ASCC3: variants seen among roughly 807,000 people sequenced by gnomAD.
ASCC3 encodes the protein ASC-1 complex subunit P200.
ASCC3 carries 158 observed loss-of-function variants against 256.3 expected under a neutral mutation model. That is an observed-to-expected ratio of 0.62 (90% CI 0.54 to 0.70). The LOEUF is 0.70. Ranked by LOEUF, ASCC3 falls within the 30% of genes least tolerant of loss-of-function variation. ASCC3 has a pLI of 0.00. For synonymous variants in ASCC3, 948 were observed against 883.4 expected, an observed-to-expected ratio of 1.07 and a Z score of -1.30; for missense variants, 2,259 against 2,626.0, an observed-to-expected ratio of 0.86 and a Z score of 3.05.
At chr6:100,630,693 G>A (rs1396502984) in intron 26 of ASCC3, among the ~76,000 whole-genome samples, 6 of 151,248 alleles carry the variant, frequency 4.0e-5, no homozygotes, top group African/African-American at 1.5e-4. Context: ...AATTATTAAT[G>A]AAAAAAACCC....
intron 8 of ASCC3, among the ~76,000 whole-genome samples, chr6:100,776,490 C>T (rs147642391): frequency 0.014 from 2,100 of 152,092 alleles, 21 homozygotes; most frequent in East Asian, 0.047. Flanking sequence ...TACATACATA[C>T]GCCAGACTAC....
At chr6:100,858,483 C>T in intron 3 of ASCC3, 1 of 709,226 alleles carries the variant, frequency 1.4e-6, no homozygotes, top group Non-Finnish European at 1.7e-6. Context: ...TTAACAAAAT[C>T]CCCTTCTATT....
chr6:100,854,304 G>T (rs560426247), intron 3 of ASCC3, among the ~76,000 whole-genome samples: 1 of 152,110 alleles, frequency 6.6e-6, no homozygotes, highest in Admixed American at 6.5e-5. Context: ...TTTTAAAATT[G>T]CCTAAGTAAT....
chr6:100,785,533 C>G (rs1466455073), intron 8 of ASCC3, among the ~76,000 whole-genome samples: 1 of 152,042 alleles, frequency 6.6e-6, no homozygotes, highest in Non-Finnish European at 1.5e-5. Context: ...TCCAGAGTAC[C>G]TAGGACTACA....
intron 10 of ASCC3, among the ~76,000 whole-genome samples, chr6:100,743,497 T>C (rs1001413406): frequency 6.6e-6 from 1 of 152,180 alleles, no homozygotes; most frequent in South Asian, 2.1e-4. Flanking sequence ...GACTCTCCTA[T>C]CAAAACAGGC....
chr6:100,840,408 G>A (rs1262547233), intron 4 of ASCC3, among the ~76,000 whole-genome samples: 2 of 150,420 alleles, frequency 1.3e-5, no homozygotes, highest in African/African-American at 4.9e-5. Context: ...ACTCACTAAA[G>A]CCTCAACCTC....
chr6:100,864,569 G>A (rs1242922878), intron 2 of ASCC3, among the ~76,000 whole-genome samples: 1 of 152,036 alleles, frequency 6.6e-6, no homozygotes, highest in East Asian at 1.9e-4. Flanking sequence ...CTAACTGCTT[G>A]TTTTTAATAT....
intron 10 of ASCC3, among the ~76,000 whole-genome samples, chr6:100,747,347 C>G (rs1232015558): frequency 1.3e-5 from 2 of 151,842 alleles, no homozygotes; most frequent in Non-Finnish European, 2.9e-5. Flanking sequence ...GGTAGTTTCT[C>G]AAAAAAACAT....
intron 4 of ASCC3, among the ~76,000 whole-genome samples, chr6:100,815,043 ATCTT>A (rs753352537): frequency 3.3e-5 from 5 of 151,930 alleles, no homozygotes; most frequent in Non-Finnish European, 7.4e-5. Context: ...TTAAATTGAG[ATCTT>A]TCTAACTTTT....
At chr6:100,856,924 G>A (rs933568750) in intron 3 of ASCC3, 1 of 152,100 alleles carries the variant, frequency 6.6e-6, no homozygotes, top group Non-Finnish European at 1.5e-5. Context: ...ATACATGTAT[G>A]TACAAGCATT....
chr6:100,632,460 GAAAA>G (rs371495245), intron 25 of ASCC3, among the ~76,000 whole-genome samples: 1 of 148,476 alleles, frequency 6.7e-6, no homozygotes, highest in Non-Finnish European at 1.5e-5. Context: ...CACAGAAATA[GAAAA>G]AAAAAATCCT....
intron 37 of ASCC3, among the ~76,000 whole-genome samples, chr6:100,528,598 T>C (rs1228622305): frequency 2.6e-5 from 4 of 152,184 alleles, no homozygotes; most frequent in Admixed American, 1.3e-4. Flanking sequence ...GGAGTAGTCA[T>C]TCTTTTATTC....
intron 36 of ASCC3, among the ~76,000 whole-genome samples, chr6:100,583,295 T>C (rs1771423333): frequency 1.3e-5 from 2 of 152,228 alleles, no homozygotes; most frequent in African/African-American, 4.8e-5. Flanking sequence ...AGATTCAACT[T>C]CTTCCTGGTT....
intron 13 of ASCC3, among the ~76,000 whole-genome samples, chr6:100,684,608 G>T (rs1177519222): frequency 6.8e-6 from 1 of 146,224 alleles, no homozygotes; most frequent in African/African-American, 2.5e-5. Flanking sequence ...GTATACCACT[G>T]TTATACATTG....
At chr6:100,594,525 A>G (rs1772178938) in intron 34 of ASCC3, among the ~76,000 whole-genome samples, 1 of 152,166 alleles carries the variant, frequency 6.6e-6, no homozygotes, top group South Asian at 2.1e-4. Flanking sequence ...AAAAGACACA[A>G]GCGAGGGCCA....
chr6:100,695,403 T>G (rs981284034), intron 13 of ASCC3, among the ~76,000 whole-genome samples: 1 of 152,148 alleles, frequency 6.6e-6, no homozygotes, highest in Non-Finnish European at 1.5e-5. Flanking sequence ...TAGTAGACCC[T>G]GTGTGTCCCT....
At chr6:100,582,992 T>G (rs918092973) in intron 36 of ASCC3, among the ~76,000 whole-genome samples, 22 of 152,190 alleles carry the variant, frequency 1.4e-4, no homozygotes, top group African/African-American at 5.3e-4. Context: ...AGTGTGCCAG[T>G]ATTTTATTGA....
At position 100,739,390 on chromosome 6, in the gene ASCC3, C is replaced by T. The variant is rs1030202649; in HGVS notation, c.1738-13687G>A. On this transcript the variant is annotated intron_variant, in intron 10 of 41. Transcript: ENST00000369162. ...CACCGAAGCTCATCAAGGATGTTGG[C>T]CTCATCTTTTGTTTTTTGTTGTTGG... is the stretch of plus-strand genomic sequence containing the variant. Among the ~76,000 whole-genome samples, 8 of 152,182 alleles carry T rather than the reference C, an allele frequency of 5.3e-5. No individual in the cohort carries two copies. The East Asian group carries it at 1.4e-3, about 26-fold the overall frequency.
intron 8 of ASCC3, among the ~76,000 whole-genome samples, chr6:100,779,629 C>T (rs1782355615): frequency 6.6e-6 from 1 of 152,104 alleles, no homozygotes; most frequent in Non-Finnish European, 1.5e-5. Context: ...TTTTAAGTTT[C>T]AGGGGATCTC....
Sources: allele counts gnomAD v4.1 joint callset (sites outside exome capture counted in the v4.1 genomes callset), GRCh38; gene constraint gnomAD v4.1.1; transcripts MANE v1.5; gene names NCBI Gene and HGNC (gene_info 2026-07-23, HGNC 2026-07-21).